ACIN1: variants seen among roughly 807,000 people sequenced by gnomAD.
ACIN1 encodes the protein apoptotic chromatin condensation inducer in the nucleus.
ACIN1 carries 16 observed loss-of-function variants against 146.6 expected under a neutral mutation model. The observed-to-expected ratio is 0.11, with a 90% CI of 0.07 to 0.17. ACIN1 has a LOEUF of 0.17. ACIN1 is among the 10% of genes least tolerant of loss of function. The probability of loss-of-function intolerance (pLI) is 1.00; values close to 1 mark genes in which losing one functional copy is unlikely to be tolerated. For missense variants in ACIN1, 1,357 were observed against 1,609.3 expected, an observed-to-expected ratio of 0.84 and a Z score of 2.68; for synonymous variants, 569 against 582.7, an observed-to-expected ratio of 0.98 and a Z score of 0.34.
chr14:23,082,437 ATTTTTTTTTTT>A (rs11378976), intron 4 of ACIN1, among the ~76,000 whole-genome samples: 5 of 95,818 alleles, frequency 5.2e-5, no homozygotes, highest in South Asian at 4.0e-4. Context: ...AGAGCTCAAT[ATTTTTTTTTTT>A]TTTTTTTTTT....
At chr14:23,066,993 A>C (rs2047478929) in intron 9 of ACIN1, among the ~76,000 whole-genome samples, 1 of 152,122 alleles carries the variant, frequency 6.6e-6, no homozygotes, top group South Asian at 2.1e-4. Context: ...GTAGGGCAGA[A>C]ACCTCGTGAT....
chr14:23,068,647 C>T lies in ACIN1; in HGVS notation c.2265+829G>A, dbSNP rs1214490754. On this transcript the variant is annotated intron_variant, in intron 9 of 18. Coordinates refer to ENST00000605057, the MANE Select transcript of ACIN1 (RefSeq NM_001386863.1). The surrounding 1 kb of genome is among the most constrained non-coding windows in gnomAD (Gnocchi z 4.3). ...GCCAGTTGGGCAGGGTTATATTTTACGGGCGGATTACCGTACATGAGGTAC... is the reference window on the plus strand; with the variant it reads ...GCCAGTTGGGCAGGGTTATATTTTATGGGCGGATTACCGTACATGAGGTAC... 4 of 985,722 alleles carry T rather than the reference C, an allele frequency of 4.1e-6. No homozygotes were observed. Among genetic ancestry groups the T allele is most frequent in the Non-Finnish European group, 3.6e-6 (3 of 829,960 alleles). The allele number at this position is 985,722 out of a possible 1,614,324, so 61.1% of individuals were successfully genotyped here.
chr14:23,078,154 G>T lies in ACIN1; in HGVS notation c.2120C>A (p.Thr707Asn). 6.2e-7 allele frequency: 1 copy of T among 1,613,974 alleles called. No homozygotes were observed. The highest frequency in any genetic ancestry group is 1.6e-4 in the Middle Eastern group (1 of 6,062). Residue 707 changes from threonine to asparagine, a missense_variant, in exon 8 of 19, where the codon ACT becomes AAT. Coordinates refer to ENST00000605057, the MANE Select transcript of ACIN1 (RefSeq NM_001386863.1). ...CCGGTCGAGATATATCACTTACACA[G>T]TGTGATGAATTCTTTCTGATTCTGG... Reference protein sequence around the residue: ...HLPESERIHHTVEEKEEVTMD... With the variant: ...HLPESERIHHNVEEKEEVTMD...
chr14:23,087,870 A>C (rs189506567), intron 4 of ACIN1, among the ~76,000 whole-genome samples: 95 of 152,186 alleles, frequency 6.2e-4, no homozygotes, highest in Non-Finnish European at 1.1e-3. Context: ...TTTCATTCCT[A>C]TCTCTCTGAC....
Position 23,067,418 on chromosome 14 carries a change from G to A in ACIN1, c.2266-1410C>T. On this transcript the variant is annotated intron_variant, in intron 9 of 18. Transcript: ENST00000605057. This position sits in a 1 kb window ranked among gnomAD's most constrained non-coding sequence, Gnocchi z 4.6. The stretch of plus-strand genomic sequence containing the variant: ...CCCTGCTAGGCGCTGTGCAATTGGT[G>A]GGGGGTTGGGTTGGCAAAAAAGGTG... 1 of 985,736 alleles carries A rather than the reference G, an allele frequency of 1.0e-6. No homozygotes were observed. The highest frequency in any genetic ancestry group is 1.2e-6 in the Non-Finnish European group (1 of 830,000). The allele number at this position is 985,736 out of a possible 1,614,324, so 61.1% of individuals were successfully genotyped here.
chr14:23,058,920 C>T lies in ACIN1; in HGVS notation c.*228G>A, dbSNP rs1489147015. ...CTTGCCTAACCTAGCTCTTGCCTCT[C>T]AGACTTAATGGGAAATGAGAGGGAG... On this transcript the variant is annotated 3_prime_UTR_variant, in exon 19 of 19. Coordinates refer to ENST00000605057, the MANE Select transcript of ACIN1 (RefSeq NM_001386863.1). The T allele has an allele frequency of 1.8e-6, 1 of 557,878 alleles. No individual in the cohort carries two copies. Among genetic ancestry groups the T allele is most frequent in the Non-Finnish European group, 3.2e-6 (1 of 314,078 alleles). The allele number at this position is 557,878 out of a possible 1,614,324, so 34.6% of individuals were successfully genotyped here.
At chr14:23,090,153 G>A (rs754190651) in intron 3 of ACIN1, 52 bp from the exon 4 acceptor site, 11 of 1,586,982 alleles carry the variant, frequency 6.9e-6, no homozygotes, top group Non-Finnish European at 9.4e-6. Flanking sequence ...GACTCAGCAT[G>A]TAGGAATATG....
intron 2 of ACIN1, among the ~76,000 whole-genome samples, chr14:23,092,478 A>T (rs548176598): frequency 1.6e-4 from 24 of 152,358 alleles, no homozygotes; most frequent in African/African-American, 5.5e-4. Context: ...TTGTTAAAGT[A>T]CTTAATTGAA....
chr14:23,081,080 A>G (rs527470866), intron 5 of ACIN1, among the ~76,000 whole-genome samples: 1 of 151,222 alleles, frequency 6.6e-6, no homozygotes, highest in African/African-American at 2.4e-5. Flanking sequence ...TCAGTAAAAT[A>G]TTAGCAGAAC....
chr14:23,062,856 AC>A, intron 14 of ACIN1, 72 bp downstream of exon 14: 2 of 1,473,272 alleles, frequency 1.4e-6, no homozygotes, highest in Non-Finnish European at 1.8e-6. Flanking sequence ...TATGAGTGGA[AC>A]CTAGGAGGCA....
At chr14:23,085,322 G>T (rs111791668) in intron 4 of ACIN1, among the ~76,000 whole-genome samples, 1,568 of 152,246 alleles carry the variant, frequency 0.01, 15 homozygotes, top group Non-Finnish European at 0.018. Context: ...GCGACAGAGC[G>T]AGACTCCATC....
intron 18 of ACIN1, among the ~76,000 whole-genome samples, chr14:23,060,875 T>G (rs946921294): frequency 2.6e-5 from 4 of 152,266 alleles, no homozygotes; most frequent in African/African-American, 9.6e-5. Flanking sequence ...AAACTTCAGC[T>G]GCTATCTGCG....
intron 1 of ACIN1, chr14:23,094,698 G>C: frequency 1.5e-6 from 1 of 663,856 alleles, no homozygotes; most frequent in Non-Finnish European, 2.3e-6. Context: ...ATACAAACAA[G>C]GAGGGGGTGG....
upstream of ACIN1, chr14:23,095,233 A>C (rs760167213): frequency 1.9e-6 from 3 of 1,610,566 alleles, no homozygotes; most frequent in Non-Finnish European, 1.7e-6. Context: ...CTCGATTACC[A>C]CTCAGAACTC....
chr14:23,084,275 A>G (rs1242620270), intron 4 of ACIN1, among the ~76,000 whole-genome samples: 1 of 152,094 alleles, frequency 6.6e-6, no homozygotes, highest in Non-Finnish European at 1.5e-5. Context: ...TTACAATCTA[A>G]AATGAACTAG....
rs556283038 is a variant in ACIN1 at position 23,065,688 on chromosome 14, A to G, written c.2308+278T>C. Among the ~76,000 whole-genome samples, 160 of 152,364 alleles carry G rather than the reference A, an allele frequency of 1.1e-3. 1 individual carries two copies. Among genetic ancestry groups the G allele is most frequent in the African/African-American group, 3.7e-3 (153 of 41,586 alleles). On this transcript the variant is annotated intron_variant, in intron 10 of 18. Coordinates refer to ENST00000605057, the MANE Select transcript of ACIN1 (RefSeq NM_001386863.1). ...TCCTTGTTGAGTATTCAGGTATCTG[A>G]AAGAATAAATGCCTCTAAGGCTAAA...
At position 23,064,445 on chromosome 14, in the gene ACIN1, C is replaced by T. The variant is rs776771355; in HGVS notation, c.2352G>A (p.Gly784=). 1.9e-6 allele frequency: 3 copies of T among 1,614,136 alleles called. No homozygotes were observed. The highest frequency in any genetic ancestry group is 2.5e-6 in the Non-Finnish European group (3 of 1,180,056). The change falls in exon 11 of 19, where the codon GGG becomes GGA. Residue 784 remains glycine (G), a synonymous_variant. Coordinates refer to ENST00000605057, the MANE Select transcript of ACIN1 (RefSeq NM_001386863.1). ...AGCGTCGTTTCCGACCAGGCTGGCC[C>T]CCCTCTGTGTCACTGTTTCCAGCTG... ...GVPAGNSDTE[G]GQPGRKRRWG...
Position 23,061,513 on chromosome 14 carries a change from G to A in ACIN1, c.3209C>T (p.Pro1070Leu), listed in dbSNP as rs753997052. 6 of 1,610,788 alleles carry A rather than the reference G, an allele frequency of 3.7e-6. No homozygotes were observed. The highest frequency in any genetic ancestry group is 1.7e-4 in the Middle Eastern group (1 of 6,032). Residue 1070 changes from proline (P) to leucine (L), a missense_variant, in exon 17 of 19, where the codon CCA becomes CTA. Physicochemically the swap from Pro to Leu is moderately conservative, Grantham distance 98. Transcript: ENST00000605057. ...CCGCTGCTCTGCCCGGGGGTGCTGT[G>A]GTGGCTGGACCGGGGGTGGGGGTGG... ...HPPPPPPVQP[P>L]QHPRAEQREQ...
chr14:23,058,863 C>G lies in ACIN1; in HGVS notation c.*285G>C. ...AGGAAAAATCAGAGGACTGGGGCAC[C>G]TGGCTGTTCCCCATCTCTGGCCAAC... On this transcript the variant is annotated 3_prime_UTR_variant, in exon 19 of 19. Coordinates refer to ENST00000605057, the MANE Select transcript of ACIN1 (RefSeq NM_001386863.1). The G allele has an allele frequency of 2.1e-6, 1 of 479,792 alleles. No homozygotes were observed. The highest frequency in any genetic ancestry group is 3.7e-6 in the Non-Finnish European group (1 of 267,396). 29.7% of individuals were successfully genotyped at this position (479,792 alleles called of 1,614,324 possible).
Sources: gnomAD v4.1 joint callset for allele counts (sites outside exome capture counted in the v4.1 genomes callset) on GRCh38, gnomAD v4.1.1 for gene constraint, Gnocchi (gnomAD v3.1) non-coding constraint, MANE v1.5 for transcripts, NCBI Gene and HGNC (gene_info 2026-07-23, HGNC 2026-07-21) for gene names.